Variants in TSHZ2 observed in about 807,000 individuals in gnomAD.
The protein encoded by TSHZ2 is teashirt homolog 2.
A neutral mutation model predicts 74.4 loss-of-function variants in TSHZ2; 21 were observed. The observed-to-expected ratio is 0.28, with a 90% confidence interval of 0.20 to 0.41. The LOEUF is 0.41. Ranked by LOEUF, TSHZ2 falls within the 10% of genes least tolerant of loss-of-function variation. The pLI is 1.00. For synonymous variants in TSHZ2, 540 were observed against 515.3 expected (o/e 1.05, Z -0.65); for missense variants, 1,244 against 1,293.5 (o/e 0.96, Z 0.59).
intron 1 of TSHZ2, among the ~76,000 whole-genome samples, chr20:52,983,467 C>G (rs555511529): frequency 1.3e-5 from 2 of 152,252 alleles, no homozygotes; most frequent in Admixed American, 6.5e-5. Context: ...CAAATATTTC[C>G]TGATGAATGA....
intron 2 of TSHZ2, among the ~76,000 whole-genome samples, chr20:53,478,860 A>AATC (rs899145935): frequency 1.3e-4 from 19 of 147,480 alleles, no homozygotes; most frequent in African/African-American, 4.6e-4. Context: ...CGCAAAAAGA[A>AATC]ATCATCTAAT....
chr20:52,976,684 A>G (rs1434998529), intron 1 of TSHZ2, among the ~76,000 whole-genome samples: 3 of 152,224 alleles, frequency 2.0e-5, no homozygotes, highest in East Asian at 3.8e-4. Flanking sequence ...GCGCACATAA[A>G]TAATACGTAT....
At chr20:53,113,815 T>A (rs1357379816) in intron 1 of TSHZ2, among the ~76,000 whole-genome samples, 3 of 152,166 alleles carry the variant, frequency 2.0e-5, no homozygotes, top group Admixed American at 6.5e-5. Context: ...GTGTTTTATA[T>A]AAGGCTGCTT....
chr20:53,348,251 G>A (rs1351890894), intron 2 of TSHZ2, among the ~76,000 whole-genome samples: 1 of 152,158 alleles, frequency 6.6e-6, no homozygotes, highest in Non-Finnish European at 1.5e-5. Context: ...ATATGCTCAT[G>A]AATGGATAAA....
chr20:53,252,232 C>T (rs1215296729), intron 1 of TSHZ2, among the ~76,000 whole-genome samples: 1 of 152,196 alleles, frequency 6.6e-6, no homozygotes, highest in South Asian at 2.1e-4. Context: ...CCGTGCCTGC[C>T]TCACAGGATG....
intron 2 of TSHZ2, among the ~76,000 whole-genome samples, chr20:53,428,087 A>G (rs1983719246): frequency 6.6e-6 from 1 of 152,230 alleles, no homozygotes; most frequent in Non-Finnish European, 1.5e-5. Flanking sequence ...ACTCAGTCCA[A>G]ATCATTCTCC....
At chr20:53,430,515 A>T (rs1337382436) in intron 2 of TSHZ2, among the ~76,000 whole-genome samples, 2 of 152,010 alleles carry the variant, frequency 1.3e-5, no homozygotes, top group African/African-American at 4.8e-5. Context: ...ATCAGAAATC[A>T]AGAAGGTTAT....
intron 2 of TSHZ2, among the ~76,000 whole-genome samples, chr20:53,289,420 A>G (rs943190713): frequency 6.6e-6 from 1 of 152,184 alleles, no homozygotes; most frequent in African/African-American, 2.4e-5. Flanking sequence ...GTGCTAGTTT[A>G]CATTCCCACC....
intron 2 of TSHZ2, among the ~76,000 whole-genome samples, chr20:53,269,732 G>A (rs1382812186): frequency 6.6e-6 from 1 of 151,748 alleles, no homozygotes; most frequent in Non-Finnish European, 1.5e-5. Context: ...CACCAGCATG[G>A]CACATGTATA....
intron 1 of TSHZ2, among the ~76,000 whole-genome samples, chr20:53,141,015 CATT>C (rs77710491): frequency 0.18 from 27,731 of 152,094 alleles, 3,089 homozygotes; most frequent in Admixed American, 0.25. Flanking sequence ...ACTGTGGAAA[CATT>C]ATTTAGCACA....
At chr20:53,442,073 T>A (rs1251961667) in intron 2 of TSHZ2, among the ~76,000 whole-genome samples, 2 of 152,178 alleles carry the variant, frequency 1.3e-5, no homozygotes, top group African/African-American at 4.8e-5. Flanking sequence ...AGGTGGGGCT[T>A]AGCTGGTAAG....
chr20:53,342,439 C>T (rs919618491), intron 2 of TSHZ2, among the ~76,000 whole-genome samples: 9 of 152,024 alleles, frequency 5.9e-5, no homozygotes, highest in South Asian at 2.1e-4. Context: ...GGGTTGCTGA[C>T]GCTTACGTCC....
In TSHZ2 at chr20:53,120,058, C is replaced by A. The variant is rs768497662; in HGVS notation, c.41-133441C>A. Among the ~76,000 whole-genome samples, 132 of 152,290 alleles carry A rather than the reference C, an allele frequency of 8.7e-4. 1 individual carries two copies. Among genetic ancestry groups the A allele is most frequent in the Admixed American group, 3.5e-3 (53 of 15,294 alleles). ...TGGTATTCAAAGGATCACAAACATA[C>A]AATTTCCCTCCCACATCCCATCTAG... On this transcript the variant is annotated intron_variant, in intron 1 of 2. Coordinates refer to ENST00000371497, the MANE Select transcript of TSHZ2 (RefSeq NM_173485.6).
chr20:53,300,252 A>T (rs564976547), intron 2 of TSHZ2, among the ~76,000 whole-genome samples: 3 of 152,352 alleles, frequency 2.0e-5, no homozygotes, highest in Non-Finnish European at 4.4e-5. Context: ...AGCAAATGTC[A>T]AACCTTAGGA....
At chr20:53,288,718 A>G (rs1036684386) in intron 2 of TSHZ2, among the ~76,000 whole-genome samples, 8 of 152,232 alleles carry the variant, frequency 5.3e-5, no homozygotes, top group African/African-American at 1.9e-4. Context: ...TACACAAATG[A>G]AAATATAATA....
At chr20:53,388,353 C>G (rs566182768) in intron 2 of TSHZ2, among the ~76,000 whole-genome samples, 1 of 152,326 alleles carries the variant, frequency 6.6e-6, no homozygotes, top group South Asian at 2.1e-4. Flanking sequence ...GGTATTCGCT[C>G]TGTGGTGGGC....
chr20:53,057,124 C>T (rs1984666221), intron 1 of TSHZ2, among the ~76,000 whole-genome samples: 2 of 152,294 alleles, frequency 1.3e-5, no homozygotes, highest in African/African-American at 4.8e-5. Context: ...TGCCTTTGCT[C>T]CTCCTTCACC....
intron 2 of TSHZ2, among the ~76,000 whole-genome samples, chr20:53,438,496 G>T (rs1371229228): frequency 1.3e-5 from 2 of 152,150 alleles, no homozygotes; most frequent in Non-Finnish European, 2.9e-5. Context: ...ATCTCTCATT[G>T]GACTACCTAG....
chr20:53,334,578 A>G (rs1979865170), intron 2 of TSHZ2, among the ~76,000 whole-genome samples: 1 of 152,204 alleles, frequency 6.6e-6, no homozygotes, highest in South Asian at 2.1e-4. Flanking sequence ...TGTGCGGCCA[A>G]GGGGAGAAGC....
Sources: allele counts gnomAD v4.1 joint callset (sites outside exome capture counted in the v4.1 genomes callset), GRCh38; gene constraint gnomAD v4.1.1; transcripts MANE v1.5; gene names NCBI Gene and HGNC (gene_info 2026-07-23, HGNC 2026-07-21).